Variants in PCDHGB1 observed in about 807,000 individuals in gnomAD.
PCDHGB1 encodes protocadherin gamma subfamily B, 1.
In PCDHGB1, 34 loss-of-function variants were observed where a neutral mutation model predicts 56.6. That is an observed-to-expected ratio of 0.60 (90% CI 0.46 to 0.80). The LOEUF (loss-of-function observed/expected upper bound fraction) is 0.80, where lower values mean the gene tolerates loss of function less well. Among genes scored for constraint, PCDHGB1 ranks in the 30% least tolerant of loss-of-function variants. The probability of loss-of-function intolerance (pLI) is 0.00; values close to 1 mark genes in which losing one functional copy is unlikely to be tolerated. For missense variants in PCDHGB1, 1,278 were observed against 1,204.6 expected (o/e 1.06, Z -0.90); for synonymous variants, 561 against 505.9 (o/e 1.11, Z -1.46).
intron 1 of PCDHGB1, among the ~76,000 whole-genome samples, chr5:141,382,275 G>A (rs192196334): frequency 6.6e-6 from 1 of 152,264 alleles, no homozygotes; most frequent in African/African-American, 2.4e-5. Context: ...GAACATATGT[G>A]TTCAATTAAT....
At chr5:141,433,034 C>T in intron 1 of PCDHGB1, 1 of 1,614,184 alleles carries the variant, frequency 6.2e-7, no homozygotes. Flanking sequence ...CGAGGTTTCC[C>T]TCACCACGGA....
intron 1 of PCDHGB1, chr5:141,375,976 C>T: frequency 6.2e-7 from 1 of 1,613,390 alleles, no homozygotes; most frequent in South Asian, 1.1e-5. Context: ...CGGCGCGCGC[C>T]CTGCTGGACA....
chr5:141,441,768 T>C, intron 1 of PCDHGB1: 1 of 387,074 alleles, frequency 2.6e-6, no homozygotes. Context: ...CCTGCGCGTG[T>C]TGGTGGACGA....
chr5:141,394,178 C>T (rs1180220826), intron 1 of PCDHGB1: 2 of 1,613,812 alleles, frequency 1.2e-6, no homozygotes, highest in South Asian at 2.2e-5. Flanking sequence ...TCCCTCATGC[C>T]TCCTACTCAG....
intron 1 of PCDHGB1, chr5:141,413,787 A>G (rs2095678061): frequency 6.2e-7 from 1 of 1,613,170 alleles, no homozygotes; most frequent in African/African-American, 1.3e-5. Flanking sequence ...AGCACTCCCT[A>G]GATCGCGAGG....
chr5:141,434,870 C>G (rs1263324193), intron 1 of PCDHGB1, among the ~76,000 whole-genome samples: 3 of 151,726 alleles, frequency 2.0e-5, no homozygotes, highest in Non-Finnish European at 1.5e-5. Flanking sequence ...ATATATGTGA[C>G]AGATACCAAC....
At chr5:141,416,093 C>T (rs1241017265) in intron 1 of PCDHGB1, 1 of 162,720 alleles carries the variant, frequency 6.1e-6, no homozygotes, top group Admixed American at 6.4e-5. Flanking sequence ...AGGAGAAGGG[C>T]AATAGGCCTT....
intron 1 of PCDHGB1, chr5:141,364,083 A>T: frequency 2.6e-6 from 1 of 382,740 alleles, no homozygotes; most frequent in Non-Finnish European, 4.6e-6. Context: ...GAGAAATAAA[A>T]ATGGAATTTG....
At chr5:141,398,729 A>T in intron 1 of PCDHGB1, 1 of 1,613,820 alleles carries the variant, frequency 6.2e-7, no homozygotes, top group Non-Finnish European at 8.5e-7. Flanking sequence ...AAAACCTTAG[A>T]CCGGGAACAA....
chr5:141,364,998 C>T (rs912689186), intron 1 of PCDHGB1: 1 of 1,613,920 alleles, frequency 6.2e-7, no homozygotes, highest in Non-Finnish European at 8.5e-7. Flanking sequence ...CCGGTACTCT[C>T]CGGCACCACG....
intron 1 of PCDHGB1, chr5:141,388,986 A>G (rs756279125): frequency 2.5e-6 from 4 of 1,613,952 alleles, no homozygotes; most frequent in Non-Finnish European, 3.4e-6. Flanking sequence ...TGCTTTGCTC[A>G]AAGTCCGTGA....
chr5:141,433,204 C>CT, intron 1 of PCDHGB1: 2 of 1,566,944 alleles, frequency 1.3e-6, no homozygotes, highest in Admixed American at 2.0e-5. Flanking sequence ...ATCAAATCTT[C>CT]TTTCTTTTTT....
intron 1 of PCDHGB1, chr5:141,441,671 C>A (rs1027440120): frequency 7.0e-6 from 2 of 287,530 alleles, no homozygotes; most frequent in South Asian, 2.9e-5. Flanking sequence ...GCGCACAGTG[C>A]GCCTTCGACC....
intron 1 of PCDHGB1, among the ~76,000 whole-genome samples, chr5:141,488,870 G>T (rs2099680071): frequency 6.6e-6 from 1 of 152,224 alleles, no homozygotes; most frequent in African/African-American, 2.4e-5. Context: ...TGAGTGGGGA[G>T]GTAGGAAGCT....
At position 141,489,135 on chromosome 5, in the gene PCDHGB1, G is replaced by T; in HGVS notation, c.2410-5672G>T. The T allele has an allele frequency of 1.4e-6, 1 of 725,448 alleles. No individual in the cohort carries two copies. The highest frequency in any genetic ancestry group is 2.1e-6 in the Non-Finnish European group (1 of 470,770). 44.9% of individuals were successfully genotyped at this position (725,448 alleles called of 1,614,324 possible). ...GCAAACCTCCGAGCAGTTTTTAAGA[G>T]GCTGGAAGGAGACATAAGAGACTTC... On this transcript the variant is annotated intron_variant, in intron 1 of 3. Coordinates refer to ENST00000523390, the MANE Select transcript of PCDHGB1 (RefSeq NM_018922.3). The surrounding 1 kb of genome is among the most constrained non-coding windows in gnomAD (Gnocchi z 4.5).
chr5:141,384,321 G>A (rs6883770), intron 1 of PCDHGB1: 89,474 of 1,613,740 alleles, frequency 0.055, 2,962 homozygotes, highest in African/African-American at 0.14. Flanking sequence ...TTTTCTTAGT[G>A]ACTGCACAGG....
chr5:141,370,634 A>G, intron 1 of PCDHGB1: 1 of 1,613,970 alleles, frequency 6.2e-7, no homozygotes, highest in South Asian at 1.1e-5. Context: ...TGAGCCCCGA[A>G]AATGGGAACT....
At chr5:141,421,618 G>A (rs748399893) in intron 1 of PCDHGB1, 1 of 1,613,766 alleles carries the variant, frequency 6.2e-7, no homozygotes, top group African/African-American at 1.3e-5. Context: ...TAATGATAAC[G>A]CCCCCAGCTT....
Position 141,355,384 on chromosome 5 carries a change from C to G in PCDHGB1, c.2409+2715C>G, listed in dbSNP as rs570057542. On this transcript the variant is annotated intron_variant, in intron 1 of 3. Transcript: ENST00000523390. ...GTTGGCGCCCCGGGAGCTGGCGGAG[C>G]GCGGAGTCCGCATCGTCTCCAGAGG... 25 of 1,614,008 alleles carry G rather than the reference C, an allele frequency of 1.5e-5. No individual in the cohort carries two copies. In the African/African-American group the frequency reaches 3.2e-4, roughly 21 times the overall value.
Sources: gnomAD v4.1 joint callset for allele counts (sites outside exome capture counted in the v4.1 genomes callset) on GRCh38, gnomAD v4.1.1 for gene constraint, Gnocchi (gnomAD v3.1) non-coding constraint, MANE v1.5 for transcripts, NCBI Gene and HGNC (gene_info 2026-07-23, HGNC 2026-07-21) for gene names.